MEGF11: variants seen among roughly 807,000 people sequenced by gnomAD.
MEGF11 encodes the protein multiple epidermal growth factor-like domains protein 11.
A neutral mutation model predicts 146.6 loss-of-function variants in MEGF11; 126 were observed. That is an observed-to-expected ratio of 0.86 (90% confidence interval 0.74 to 1.00). The LOEUF (loss-of-function observed/expected upper bound fraction) is 1.00, where lower values mean the gene tolerates loss of function less well. Among genes scored for constraint, MEGF11 ranks in the 50% least tolerant of loss-of-function variants. The pLI is 0.00. For missense variants in MEGF11, 1,509 were observed against 1,521.2 expected (o/e 0.99, Z 0.13); for synonymous variants, 532 against 583.4 (o/e 0.91, Z 1.27).
intron 1 of MEGF11, among the ~76,000 whole-genome samples, chr15:66,219,026 T>C (rs1451796356): frequency 8.2e-6 from 1 of 121,890 alleles, no homozygotes; most frequent in African/African-American, 3.5e-5. Context: ...TACATATAGA[T>C]AGAGATAGAG....
chr15:65,922,875 C>T lies in MEGF11; in HGVS notation c.1770G>A (p.Glu590=), dbSNP rs188988095. The T allele has an allele frequency of 6.8e-6, 11 of 1,613,454 alleles. 1 individual carries two copies. The Admixed American group carries it at 1.5e-4, about 22-fold the overall frequency. The change falls in exon 14 of 26, where the codon GAG becomes GAA. Residue 590 remains glutamate, a synonymous_variant. Transcript: ENST00000395614. ...CAGGGGCACACTCGCAGCTCCCATC[C>T]TCTGGGGAGCAGGAGCCTCCATTCT... ...SCENGGSCSP[E]DGSCECAPGF... is the part of the protein sequence containing the mutation.
chr15:65,946,955 A>C (rs981694461), intron 10 of MEGF11, among the ~76,000 whole-genome samples: 1 of 152,160 alleles, frequency 6.6e-6, no homozygotes, highest in Non-Finnish European at 1.5e-5. Context: ...GGCCTGTCTC[A>C]GGGAATTATA....
chr15:66,175,645 T>C (rs953061136), intron 1 of MEGF11, among the ~76,000 whole-genome samples: 4 of 152,200 alleles, frequency 2.6e-5, no homozygotes, highest in African/African-American at 9.7e-5. Context: ...TAGAGCCCTA[T>C]CTCTCATCAT....
intron 5 of MEGF11, among the ~76,000 whole-genome samples, chr15:66,092,222 T>TA (rs1333878836): frequency 6.6e-6 from 1 of 152,246 alleles, no homozygotes; most frequent in Non-Finnish European, 1.5e-5. Flanking sequence ...AGTGGAGGTA[T>TA]TCAAGCAAAG....
At chr15:66,147,192 C>G (rs185454373) in intron 1 of MEGF11, among the ~76,000 whole-genome samples, 12 of 152,276 alleles carry the variant, frequency 7.9e-5, no homozygotes, top group Non-Finnish European at 1.5e-4. Flanking sequence ...CCCACAGAAG[C>G]CCAGTCCATA....
chr15:65,989,490 G>A (rs1042354962), intron 5 of MEGF11, among the ~76,000 whole-genome samples: 3 of 152,214 alleles, frequency 2.0e-5, no homozygotes, highest in Admixed American at 1.3e-4. Context: ...GACAGGTCAC[G>A]GGATTGCTCC....
intron 4 of MEGF11, among the ~76,000 whole-genome samples, chr15:66,107,078 G>T (rs997646495): frequency 6.6e-5 from 10 of 150,522 alleles, no homozygotes; most frequent in Non-Finnish European, 1.2e-4. Context: ...TATAGACAGG[G>T]AGGGGATGGT....
intron 1 of MEGF11, among the ~76,000 whole-genome samples, chr15:66,250,188 A>G (rs930251588): frequency 4.6e-5 from 7 of 152,170 alleles, no homozygotes; most frequent in African/African-American, 1.7e-4. Context: ...CAGTTCTCCA[A>G]TGCTGCCTCT....
chr15:65,950,300 G>A (rs142566444), intron 10 of MEGF11, among the ~76,000 whole-genome samples: 196 of 152,276 alleles, frequency 1.3e-3, no homozygotes, highest in African/African-American at 4.5e-3. Context: ...GAAACTAGAG[G>A]CAGGCTGGGT....
At chr15:65,973,871 C>T (rs1284703278) in intron 7 of MEGF11, among the ~76,000 whole-genome samples, 1 of 152,158 alleles carries the variant, frequency 6.6e-6, no homozygotes, top group Non-Finnish European at 1.5e-5. Flanking sequence ...AAAGTGTTGC[C>T]TTTAGGGAGC....
chr15:66,123,863 C>CT, intron 3 of MEGF11, 36 bp downstream of exon 3: 2 of 1,571,808 alleles, frequency 1.3e-6, no homozygotes, highest in African/African-American at 1.3e-5. Flanking sequence ...AGCCCAGTGC[C>CT]TTTTCCCTGC....
intron 13 of MEGF11, among the ~76,000 whole-genome samples, chr15:65,923,507 C>G (rs1391540488): frequency 6.6e-6 from 1 of 152,182 alleles, no homozygotes; most frequent in Admixed American, 6.5e-5. Context: ...TAGGTAGGAT[C>G]TTTTCAGATT....
intron 1 of MEGF11, among the ~76,000 whole-genome samples, chr15:66,211,627 G>T (rs548715476): frequency 1.3e-5 from 2 of 151,872 alleles, no homozygotes; most frequent in African/African-American, 4.8e-5. Context: ...GGTGCTCCCA[G>T]GCAGAGGTGG....
At chr15:66,047,372 C>T (rs1489540577) in intron 5 of MEGF11, among the ~76,000 whole-genome samples, 2 of 152,224 alleles carry the variant, frequency 1.3e-5, no homozygotes. Flanking sequence ...TCTTCTACCA[C>T]TTCCTAGCTA....
At chr15:66,066,999 A>G (rs1220354516) in intron 5 of MEGF11, among the ~76,000 whole-genome samples, 1 of 152,214 alleles carries the variant, frequency 6.6e-6, no homozygotes, top group Non-Finnish European at 1.5e-5. Flanking sequence ...GCCCAGCTGC[A>G]CCACCTTGCT....
chr15:65,952,590 A>C (rs988509660), intron 10 of MEGF11, among the ~76,000 whole-genome samples: 1 of 152,118 alleles, frequency 6.6e-6, no homozygotes, highest in Non-Finnish European at 1.5e-5. Flanking sequence ...AGGACCCTGG[A>C]TTCTAAGAAG....
chr15:65,934,140 CTT>C (rs2079680922), intron 10 of MEGF11, among the ~76,000 whole-genome samples: 1 of 152,242 alleles, frequency 6.6e-6, no homozygotes, highest in African/African-American at 2.4e-5. Flanking sequence ...GTTCCAAACA[CTT>C]TGCATTTGTC....
intron 5 of MEGF11, among the ~76,000 whole-genome samples, chr15:66,020,711 G>A (rs1452216544): frequency 1.3e-5 from 2 of 152,082 alleles, no homozygotes; most frequent in African/African-American, 4.8e-5. Flanking sequence ...TTACAGTGCC[G>A]GCCGGGCGCA....
intron 15 of MEGF11, among the ~76,000 whole-genome samples, chr15:65,918,936 A>G (rs1241134880): frequency 6.6e-6 from 1 of 152,218 alleles, no homozygotes; most frequent in Non-Finnish European, 1.5e-5. Flanking sequence ...TGGCACTCCT[A>G]TGTCCTGCTT....
Sources: allele counts gnomAD v4.1 joint callset (sites outside exome capture counted in the v4.1 genomes callset), GRCh38; gene constraint gnomAD v4.1.1; transcripts MANE v1.5; gene names NCBI Gene and HGNC (gene_info 2026-07-23, HGNC 2026-07-21).